ZNF655: variants seen among roughly 807,000 people sequenced by gnomAD.
ZNF655 encodes Vav-interacting Kruppel-like protein 1.
ZNF655 carries 3 observed loss-of-function variants against 6.6 expected under a neutral mutation model. The ratio of observed to expected loss-of-function variants is 0.46; its 90% confidence interval spans 0.21 to 1.18. The LOEUF (loss-of-function observed/expected upper bound fraction) is 1.18. Ranked by LOEUF, ZNF655 falls within the 50% of genes most tolerant of loss-of-function variation. The pLI is 0.24. For missense variants in ZNF655, 526 were observed against 572.3 expected, an observed-to-expected ratio of 0.92 and a Z score of 0.83; for synonymous variants, 178 against 195.0, an observed-to-expected ratio of 0.91 and a Z score of 0.73.
intron 2 of ZNF655, among the ~76,000 whole-genome samples, chr7:99,566,832 CAT>C (rs1443751378): frequency 2.0e-5 from 3 of 152,212 alleles, no homozygotes; most frequent in African/African-American, 4.8e-5. Context: ...TGGGATTACA[CAT>C]GTGAGCCAAC....
intron 2 of ZNF655, chr7:99,563,711 G>A (rs1227831453): frequency 1.1e-5 from 7 of 658,496 alleles, no homozygotes; most frequent in East Asian, 3.0e-5. Flanking sequence ...TTTTTTTTCC[G>A]TTGGCTTTGT....
At chr7:99,561,710 G>C (rs940335) in intron 2 of ZNF655, among the ~76,000 whole-genome samples, 6,869 of 152,298 alleles carry the variant, frequency 0.045, 222 homozygotes, top group Middle Eastern at 0.082. Context: ...CACGCATAAG[G>C]CATGCAAGTA....
rs2151170565 is a variant in ZNF655 at position 99,572,698 on chromosome 7, C to G, written c.590C>G (p.Ser197Cys). ...SECKESLMDL[S>C]HLNKWESIPN... ...TGTAAGGAAAGCTTAATGGATCTCT[C>G]CCACCTTAATAAATGGGAGAGCATC... The change falls in exon 3 of 3, where the codon TCC becomes TGC. Residue 197 changes from serine (S) to cysteine (C), a missense_variant. Physicochemically the swap from Ser to Cys is moderately radical, Grantham distance 112. Coordinates refer to ENST00000252713, the MANE Select transcript of ZNF655 (RefSeq NM_138494.3). 1 of 1,613,414 alleles carries G rather than the reference C, an allele frequency of 6.2e-7. No homozygotes were observed. The highest frequency in any genetic ancestry group is 1.8e-4 in the Middle Eastern group (1 of 5,652).
intron 2 of ZNF655, chr7:99,571,311 A>T: frequency 7.8e-7 from 1 of 1,288,180 alleles, no homozygotes; most frequent in Middle Eastern, 2.1e-4. Context: ...CCAGTCCAGC[A>T]GAATTACATT....
At chr7:99,568,066 C>CAA (rs769076500) in intron 2 of ZNF655, among the ~76,000 whole-genome samples, 9 of 56,066 alleles carry the variant, frequency 1.6e-4, no homozygotes, top group East Asian at 5.1e-4. Flanking sequence ...ACCCCCCGGC[C>CAA]AAAAAAAAAA....
intron 2 of ZNF655, among the ~76,000 whole-genome samples, 173 bp from the exon 3 acceptor site, chr7:99,572,072 T>C (rs1562937640): frequency 6.6e-6 from 1 of 152,230 alleles, no homozygotes; most frequent in Non-Finnish European, 1.5e-5. Flanking sequence ...ACCTCACTGC[T>C]CCTGTTTATG....
chr7:99,573,431 T>C lies in ZNF655; in HGVS notation c.1323T>C (p.Tyr441=), dbSNP rs1804230504. The C allele has an allele frequency of 4.3e-6, 7 of 1,614,148 alleles. No homozygotes were observed. Among genetic ancestry groups the C allele is most frequent in the Non-Finnish European group, 5.1e-6 (6 of 1,180,022 alleles). The change falls in exon 3 of 3, where the codon TAT becomes TAC. Residue 441 remains tyrosine, a synonymous_variant. Transcript: ENST00000252713. ...AGAAATCGTATGAATGTAATGAGTA[T>C]GAGGGCAGTTTCAGTCATAGCTCAG... is the stretch of plus-strand genomic sequence containing the variant. ...RKEKSYECNE[Y]EGSFSHSSDL...
rs930152130 is a variant in ZNF655 at position 99,575,868 on chromosome 7, A to C, written c.*2284A>C. On this transcript the variant is annotated 3_prime_UTR_variant, in exon 3 of 3. Coordinates refer to ENST00000252713, the MANE Select transcript of ZNF655 (RefSeq NM_138494.3). ...AAGAACATGGCTTTTTGACTGATAA[A>C]AGTGATTACAGATGTTGGCTCAAGT... The C allele has an allele frequency of 2.0e-5, 3 of 152,212 alleles. No individual in the cohort carries two copies. The highest frequency in any genetic ancestry group is 2.0e-4 in the Admixed American group (3 of 15,280). The allele number at this position is 152,212 out of a possible 1,614,324, so 9.4% of individuals were successfully genotyped here. A position where few individuals can be genotyped will look rare whatever the true frequency, so the allele number is the denominator to read the frequency against.
intron 2 of ZNF655, among the ~76,000 whole-genome samples, chr7:99,567,555 G>A (rs901801571): frequency 1.3e-5 from 2 of 150,842 alleles, no homozygotes; most frequent in South Asian, 2.1e-4. Flanking sequence ...AAGCATTCAC[G>A]TCAATGTCAA....
Position 99,565,405 on chromosome 7 carries a change from G to A in ZNF655, c.136+4710G>A, listed in dbSNP as rs185140150. On this transcript the variant is annotated intron_variant, in intron 2 of 2. Coordinates refer to ENST00000252713, the MANE Select transcript of ZNF655 (RefSeq NM_138494.3). ...AGGATGGTCTCGATCTCCTGACCTC[G>A]TGATCCGCCTGTCTCGGCCTCCCAA... is the stretch of plus-strand genomic sequence containing the variant. Among the ~76,000 whole-genome samples, 109 of 152,220 alleles carry A rather than the reference G, an allele frequency of 7.2e-4. 2 individuals are homozygous for A. In the East Asian group the frequency reaches 0.017, roughly 24 times the overall value.
chr7:99,572,211 T>G, intron 2 of ZNF655, 34 bp from the exon 3 acceptor site: 1 of 1,539,160 alleles, frequency 6.5e-7, no homozygotes, highest in Non-Finnish European at 8.7e-7. Flanking sequence ...GGGTACAGAT[T>G]ACATTTGCAT....
intron 2 of ZNF655, among the ~76,000 whole-genome samples, chr7:99,567,406 G>C (rs1161867130): frequency 6.6e-6 from 1 of 151,690 alleles, no homozygotes; most frequent in African/African-American, 2.4e-5. Context: ...GGTGGCGCAT[G>C]CCTGTAATCC....
In ZNF655 at chr7:99,574,342, C is replaced by T. The variant is rs546947925; in HGVS notation, c.*758C>T. The T allele has an allele frequency of 6.6e-6, 1 of 152,184 alleles. No homozygotes were observed. The highest frequency in any genetic ancestry group is 2.4e-5 in the African/African-American group (1 of 41,436). 9.4% of individuals were successfully genotyped at this position (152,184 alleles called of 1,614,324 possible). Reference sequence around the variant, plus strand: ...CTTGGTAAATGCAGTGACATTTTCTCATGGAGTTCCTTTATTTAATATGTA... The same window carrying T: ...CTTGGTAAATGCAGTGACATTTTCTTATGGAGTTCCTTTATTTAATATGTA... On this transcript the variant is annotated 3_prime_UTR_variant, in exon 3 of 3. Coordinates refer to ENST00000252713, the MANE Select transcript of ZNF655 (RefSeq NM_138494.3).
At chr7:99,559,785 A>ATTTTT (rs60274417) in intron 1 of ZNF655, among the ~76,000 whole-genome samples, 36 of 119,268 alleles carry the variant, frequency 3.0e-4, no homozygotes, top group African/African-American at 6.5e-4. Context: ...GGGCCACCTA[A>ATTTTT]TTTTTTTTTT....
chr7:99,560,859 C>A, intron 2 of ZNF655, 164 bp downstream of exon 2: 1 of 705,132 alleles, frequency 1.4e-6, no homozygotes, highest in Non-Finnish European at 2.2e-6. Context: ...CAGTCCTAGT[C>A]TGAGCCCCTT....
intron 2 of ZNF655, among the ~76,000 whole-genome samples, chr7:99,568,769 T>C (rs1275132215): frequency 1.3e-5 from 2 of 151,952 alleles, no homozygotes; most frequent in Non-Finnish European, 2.9e-5. Flanking sequence ...ATAGATCCTC[T>C]TGATTCGTTT....
At chr7:99,562,060 C>A in intron 2 of ZNF655, 1 of 1,250,828 alleles carries the variant, frequency 8.0e-7, no homozygotes, top group Non-Finnish European at 1.1e-6. Context: ...GTAGACCTTG[C>A]CTGGAATTTT....
rs754701419 is a variant in ZNF655 at position 99,572,343 on chromosome 7, G to A, written c.235G>A (p.Asp79Asn). 58 of 1,613,650 alleles carry A rather than the reference G, an allele frequency of 3.6e-5. No individual in the cohort carries two copies. In the South Asian group the frequency reaches 4.4e-4, roughly 12 times the overall value. Reference protein sequence around the residue: ...YKVRVGRLKHDITQVPETREV... With the variant: ...YKVRVGRLKHNITQVPETREV... Reference sequence around the variant, plus strand: ...AGTGAGAGTAGGAAGACTCAAACACGATATTACCCAAGTTCCTGAGACTAG... The same window carrying A: ...AGTGAGAGTAGGAAGACTCAAACACAATATTACCCAAGTTCCTGAGACTAG... Residue 79 changes from aspartate (D) to asparagine (N), a missense_variant, in exon 3 of 3, where the codon GAT becomes AAT. Transcript: ENST00000252713.
chr7:99,566,527 A>AG (rs1188038496), intron 2 of ZNF655, among the ~76,000 whole-genome samples: 1 of 152,236 alleles, frequency 6.6e-6, no homozygotes, highest in Middle Eastern at 3.2e-3. Context: ...GCATAGCCGT[A>AG]GTAAAAGCAG....
Sources: allele counts gnomAD v4.1 joint callset (sites outside exome capture counted in the v4.1 genomes callset), GRCh38; gene constraint gnomAD v4.1.1; transcripts MANE v1.5; gene names NCBI Gene and HGNC (gene_info 2026-07-23, HGNC 2026-07-21).